Variants in ZFP64 observed in about 807,000 individuals in gnomAD.
The protein encoded by ZFP64 is zinc finger protein 64.
In ZFP64, 14 loss-of-function variants were observed where a neutral mutation model predicts 51.6. That is an observed-to-expected ratio of 0.27 (90% CI 0.18 to 0.42). The LOEUF (loss-of-function observed/expected upper bound fraction) is 0.42, where lower values mean the gene tolerates loss of function less well. ZFP64 is among the 10% of genes least tolerant of loss of function. The pLI is 1.00. For synonymous variants in ZFP64, 375 were observed against 361.4 expected, an observed-to-expected ratio of 1.04 and a Z score of -0.43; for missense variants, 754 against 906.8, an observed-to-expected ratio of 0.83 and a Z score of 2.16.
intron 5 of ZFP64, among the ~76,000 whole-genome samples, chr20:52,139,422 T>A (rs1980145066): frequency 6.6e-6 from 1 of 152,166 alleles, no homozygotes; most frequent in Non-Finnish European, 1.5e-5. Flanking sequence ...ACACCACATG[T>A]TCTCACTTAT....
exon 6 of ZFP64, chr20:52,098,442 G>A (rs749746789): frequency 9.3e-6 from 15 of 1,613,896 alleles, no homozygotes; most frequent in Non-Finnish European, 1.2e-5. Context: ...TCTTACCTGG[G>A]TAGCAACAGT....
At chr20:52,142,722 C>T (rs1980335624) in intron 5 of ZFP64, among the ~76,000 whole-genome samples, 2 of 139,344 alleles carry the variant, frequency 1.4e-5, no homozygotes, top group African/African-American at 2.6e-5. Flanking sequence ...CACCTGTAAT[C>T]CCAGCTACTC....
chr20:52,148,798 A>C (rs903030361), downstream of ZFP64, among the ~76,000 whole-genome samples: 2 of 152,242 alleles, frequency 1.3e-5, no homozygotes, highest in Non-Finnish European at 2.9e-5. Flanking sequence ...AAACCAGTTT[A>C]ATCTCAGGGG....
intron 5 of ZFP64, among the ~76,000 whole-genome samples, chr20:52,132,489 A>G (rs1979769302): frequency 6.6e-6 from 1 of 152,174 alleles, no homozygotes; most frequent in Non-Finnish European, 1.5e-5. Context: ...AAAAGGGAAG[A>G]TACAAATAAA....
In ZFP64 at chr20:52,160,253, G is replaced by A. The variant is rs762193747; in HGVS notation, c.633C>T (p.Ala211=). ...TGTTGAGGCTGCTGCTGTCGGCAGC[G>A]GCGTAGTCACACGTCTTACACTTGT... ...KPYKCKTCDY[A]AADSSSLNKH... The change falls in exon 5 of 6, where the codon GCC becomes GCT. Residue 211 remains alanine, a synonymous_variant. Coordinates refer to ENST00000216923, the MANE Select transcript of ZFP64 (RefSeq NM_018197.3). This position sits in a 1 kb window ranked among gnomAD's most constrained non-coding sequence, Gnocchi z 4.2. 3.0e-5 allele frequency: 49 copies of A among 1,614,052 alleles called. No individual in the cohort carries two copies. The Admixed American group carries it at 3.8e-4, about 13-fold the overall frequency.
intron 6 of ZFP64, among the ~76,000 whole-genome samples, chr20:52,098,086 T>C (rs1450122823): frequency 6.6e-6 from 1 of 151,016 alleles, no homozygotes; most frequent in Admixed American, 6.6e-5. Context: ...GGCAGGAGAA[T>C]TGCTAGAACC....
chr20:52,097,758 C>T (rs1457384260), intron 6 of ZFP64, among the ~76,000 whole-genome samples: 1 of 152,108 alleles, frequency 6.6e-6, no homozygotes, highest in Non-Finnish European at 1.5e-5. Context: ...CCATGCCTGG[C>T]CTGAAGAATA....
chr20:52,167,485 C>A (rs748955858), intron 2 of ZFP64, among the ~76,000 whole-genome samples: 3 of 79,560 alleles, frequency 3.8e-5, no homozygotes, highest in Admixed American at 1.4e-4. Context: ...CTCCCTTCCT[C>A]CCTCCCTTCT....
chr20:52,142,385 C>CACACACACGT (rs1323472549), intron 5 of ZFP64, among the ~76,000 whole-genome samples: 1 of 110,422 alleles, frequency 9.1e-6, no homozygotes, highest in African/African-American at 3.1e-5. Context: ...CAGACACACA[C>CACACACACGT]ACACACACAC....
chr20:52,168,871 C>T (rs974701844), intron 2 of ZFP64, among the ~76,000 whole-genome samples: 2 of 152,208 alleles, frequency 1.3e-5, no homozygotes, highest in Admixed American at 6.5e-5. Context: ...TCCAAAATTG[C>T]ACACAATGCA....
Position 52,191,478 on chromosome 20 carries a change from AC to A in ZFP64, c.46+112del. The A allele has an allele frequency of 7.8e-7, 1 of 1,278,072 alleles. No homozygotes were observed. Among genetic ancestry groups the A allele is most frequent in the Non-Finnish European group, 1.0e-6 (1 of 992,732 alleles). The allele number at this position is 1,278,072 out of a possible 1,614,324, so 79.2% of individuals were successfully genotyped here. ...CCCCGAGACGCGGCTCCGAGCCGTC[AC>A]CCCGATTTCGGGGCCCCGGGCCTGC... On this transcript the variant is annotated intron_variant, in intron 1 of 5. Transcript: ENST00000216923. The surrounding 1 kb of genome is among the most constrained non-coding windows in gnomAD (Gnocchi z 4.3).
intron 4 of ZFP64, among the ~76,000 whole-genome samples, chr20:52,163,567 G>C (rs537609183): frequency 2.6e-5 from 4 of 152,120 alleles, no homozygotes; most frequent in African/African-American, 4.8e-5. Context: ...GACACTGTGA[G>C]GCTGATTAGA....
intron 5 of ZFP64, among the ~76,000 whole-genome samples, chr20:52,132,288 AT>A: frequency 6.6e-6 from 1 of 152,294 alleles, no homozygotes; most frequent in African/African-American, 2.4e-5. Context: ...CAAATAAACA[AT>A]CTAATGATGG....
At chr20:52,187,094 A>G in intron 1 of ZFP64, 23 bp from the exon 2 acceptor site, 1 of 1,590,394 alleles carries the variant, frequency 6.3e-7, no homozygotes, top group Non-Finnish European at 8.6e-7. Context: ...AAGGGAAAGT[A>G]ACGGATTAAT....
chr20:52,191,759 C>A lies in ZFP64; in HGVS notation c.-123G>T. On this transcript the variant is annotated 5_prime_UTR_variant, in exon 1 of 6. Transcript: ENST00000216923. This position sits in a 1 kb window ranked among gnomAD's most constrained non-coding sequence, Gnocchi z 4.3. ...CCCACCCTGCCTTCTCCCAACTCTG[C>A]GAGGCGGGGAGGACGGATGTAAAGC... is the stretch of plus-strand genomic sequence containing the variant. 1 of 1,229,728 alleles carries A rather than the reference C, an allele frequency of 8.1e-7. No homozygotes were observed. Among genetic ancestry groups the A allele is most frequent in the Non-Finnish European group, 1.1e-6 (1 of 930,756 alleles). The allele number at this position is 1,229,728 out of a possible 1,614,324, so 76.2% of individuals were successfully genotyped here. A position where few individuals can be genotyped will look rare whatever the true frequency, so the allele number is the denominator to read the frequency against.
Position 52,175,881 on chromosome 20 carries a change from A to T in ZFP64, c.287-9856T>A, listed in dbSNP as rs528722656. 27 of 977,832 alleles carry T rather than the reference A, an allele frequency of 2.8e-5. 1 individual carries two copies. In the African/African-American group the frequency reaches 4.4e-4, roughly 16 times the overall value. 60.6% of individuals were successfully genotyped at this position (977,832 alleles called of 1,614,324 possible). A position where few individuals can be genotyped will look rare whatever the true frequency, so the allele number is the denominator to read the frequency against. On this transcript the variant is annotated intron_variant, in intron 2 of 5. Transcript: ENST00000216923. The stretch of plus-strand genomic sequence containing the variant: ...CCGCTGCCGCCCCCGCCCCCAAAAT[A>T]ATTCATTTTCTGAGAGAAAAGAGAA...
At chr20:52,183,176 C>A (rs978199440) in intron 2 of ZFP64, among the ~76,000 whole-genome samples, 1 of 152,254 alleles carries the variant, frequency 6.6e-6, no homozygotes, top group Admixed American at 6.5e-5. Flanking sequence ...AGGAAGAATG[C>A]AGACCCTTTT....
intron 2 of ZFP64, among the ~76,000 whole-genome samples, chr20:52,182,099 A>G (rs58755031): frequency 0.079 from 11,965 of 152,256 alleles, 540 homozygotes; most frequent in Non-Finnish European, 0.1. Context: ...TATGTGGATT[A>G]TCGCAGAATT....
At chr20:52,129,239 G>A (rs978467022) in intron 5 of ZFP64, among the ~76,000 whole-genome samples, 8 of 151,468 alleles carry the variant, frequency 5.3e-5, no homozygotes, top group Non-Finnish European at 7.4e-5. Flanking sequence ...CCACCACCAC[G>A]CCCGGTGAAT....
Sources: allele counts gnomAD v4.1 joint callset (sites outside exome capture counted in the v4.1 genomes callset), GRCh38; gene constraint gnomAD v4.1.1; non-coding constraint Gnocchi (gnomAD v3.1); transcripts MANE v1.5; gene names NCBI Gene and HGNC (gene_info 2026-07-23, HGNC 2026-07-21).